Variants in MAPT observed in about 807,000 individuals in gnomAD.
MAPT encodes the protein microtubule associated protein tau.
A neutral mutation model predicts 67.9 loss-of-function variants in MAPT; 34 were observed. That is an observed-to-expected ratio of 0.50 (90% CI 0.38 to 0.67). The LOEUF (loss-of-function observed/expected upper bound fraction) is 0.67, where lower values mean the gene tolerates loss of function less well. MAPT is among the 30% of genes least tolerant of loss of function. MAPT has a pLI of 0.00. For synonymous variants in MAPT, 456 were observed against 464.5 expected, an observed-to-expected ratio of 0.98 and a Z score of 0.23; for missense variants, 881 against 1,115.2, an observed-to-expected ratio of 0.79 and a Z score of 2.99.
chr17:46,011,777 C>G (rs1386351067), intron 10 of MAPT, among the ~76,000 whole-genome samples: 1 of 152,180 alleles, frequency 6.6e-6, no homozygotes, highest in African/African-American at 2.4e-5. Context: ...CCTGAGGCAG[C>G]CACCCGCATC....
chr17:45,922,036 C>G (rs1332203197), intron 1 of MAPT, among the ~76,000 whole-genome samples: 3 of 151,034 alleles, frequency 2.0e-5, no homozygotes, highest in Non-Finnish European at 1.5e-5. Context: ...TTTTTTTTTC[C>G]TCCATCACCC....
At chr17:45,968,579 G>A (rs111930465) in intron 2 of MAPT, among the ~76,000 whole-genome samples, 3 of 152,190 alleles carry the variant, frequency 2.0e-5, no homozygotes, top group Non-Finnish European at 4.4e-5. Flanking sequence ...TGTGCTTGAC[G>A]GGGTATGTGA....
rs762595428 is a variant in MAPT, at chr17:45,962,362, G to A, written c.25G>A (p.Glu9Lys). The A allele has an allele frequency of 1.2e-5, 19 of 1,612,152 alleles. No individual in the cohort carries two copies. Among genetic ancestry groups the A allele is most frequent in the East Asian group, 2.2e-5 (1 of 44,854 alleles). MAEPRQEF[E>K]VMEDHAGTYG... ...GATGGCTGAGCCCCGCCAGGAGTTCGAAGTGATGGAAGATCACGCTGGGAC... is the reference window on the plus strand; with the variant it reads ...GATGGCTGAGCCCCGCCAGGAGTTCAAAGTGATGGAAGATCACGCTGGGAC... Residue 9 changes from glutamate to lysine, a missense_variant, in exon 2 of 13, where the codon GAA becomes AAA. This residue lies in a region of MAPT where 687 missense variants were observed against 766.1 expected (regional missense o/e 0.90). Coordinates refer to ENST00000262410, the MANE Select transcript of MAPT (RefSeq NM_001377265.1).
intron 1 of MAPT, among the ~76,000 whole-genome samples, chr17:45,910,994 A>G (rs1481305044): frequency 1.3e-5 from 2 of 152,258 alleles, no homozygotes; most frequent in Non-Finnish European, 2.9e-5. Flanking sequence ...ACATCCTGTA[A>G]TACAAGTTAT....
In MAPT at chr17:45,983,415, AG is replaced by A; in HGVS notation, c.841del (p.Ala281GlnfsTer84). ...GDLHQEGPPL[K>X]GAGGKERPGS... ...CTGCACCAGGAGGGGCCGCCGCTGA[AG>A]GGGGCAGGGGGCAAAGAGAGGCCGG... is the stretch of plus-strand genomic sequence containing the variant. On this transcript the variant is annotated frameshift_variant, in exon 5 of 13. Transcript: ENST00000262410. LOFTEE classifies it high-confidence loss of function. 1 of 1,606,324 alleles carries A rather than the reference AG, an allele frequency of 6.2e-7. No individual in the cohort carries two copies. The highest frequency in any genetic ancestry group is 8.5e-7 in the Non-Finnish European group (1 of 1,175,710).
At chr17:45,975,634 A>G (rs1313373331) in intron 3 of MAPT, 1 of 151,886 alleles carries the variant, frequency 6.6e-6, no homozygotes, top group African/African-American at 2.4e-5. Context: ...CAGAATGAAA[A>G]CTCTAGCCAA....
chr17:45,945,608 T>C (rs1300479162), intron 1 of MAPT, among the ~76,000 whole-genome samples: 1 of 151,914 alleles, frequency 6.6e-6, no homozygotes, highest in Non-Finnish European at 1.5e-5. Flanking sequence ...AGATCAGGAG[T>C]TCGAGACCAG....
intron 3 of MAPT, among the ~76,000 whole-genome samples, chr17:45,972,584 A>C (rs538382355): frequency 1.5e-4 from 23 of 152,342 alleles, no homozygotes; most frequent in Non-Finnish European, 2.9e-4. Context: ...TGGCATTTAC[A>C]TGAAGAGGTT....
intron 10 of MAPT, among the ~76,000 whole-genome samples, chr17:46,012,483 C>T (rs2075883793): frequency 6.6e-6 from 1 of 152,164 alleles, no homozygotes; most frequent in Non-Finnish European, 1.5e-5. Context: ...GGAAGCCCTT[C>T]TCCTGGTGAG....
chr17:45,974,535 T>C (rs2072112172), intron 3 of MAPT: 1 of 1,290,890 alleles, frequency 7.7e-7, no homozygotes, highest in African/African-American at 1.5e-5. Context: ...AGCTGACCTG[T>C]GACAGAAGTG....
At chr17:45,963,437 G>A (rs762812046) in intron 2 of MAPT, among the ~76,000 whole-genome samples, 8 of 152,078 alleles carry the variant, frequency 5.3e-5, no homozygotes, top group Non-Finnish European at 1.2e-4. Context: ...TTGTCTCAAG[G>A]TTGGTCGAGG....
rs1018896850 is a variant in MAPT, at chr17:45,983,059, G to A, written c.480G>A (p.Ala160=). ...CTCAGCACCGTCCCGTTTGCCCAGC[G>A]CCTCCTCCAACAGGAGGCCCTCAGG... ...SLPQHRPVCP[A]PPPTGGPQEP... The change falls in exon 5 of 13, where the codon GCG becomes GCA. Residue 160 remains alanine (A), a synonymous_variant. Transcript: ENST00000262410. The A allele has an allele frequency of 1.6e-5, 24 of 1,527,368 alleles. No homozygotes were observed. The African/African-American group carries it at 2.2e-4, about 14-fold the overall frequency. 94.6% of individuals were successfully genotyped at this position (1,527,368 alleles called of 1,614,324 possible).
In MAPT at chr17:45,941,701, G is replaced by GCCTGCCTTCCTTCCTGCCTTCCTTCCTT. The variant is rs1185645453; in HGVS notation, c.-17-20605_-17-20604insGCCTTCCTTCCTTCCTGCCTTCCTTCCT. On this transcript the variant is annotated intron_variant, in intron 1 of 12. Transcript: ENST00000262410. ...TTCCCTCCTTCCTTCCTTCCTTCCT[G>GCCTGCCTTCCTTCCTGCCTTCCTTCCTT]CCTGCCTTCCTTCCTTCCTTCCTTC... 5.4e-5 allele frequency among the ~76,000 whole-genome samples: 4 copies of GCCTGCCTTCCTTCCTGCCTTCCTTCCTT among 73,540 alleles called. 1 individual carries two copies. The highest frequency in any genetic ancestry group is 2.0e-4 in the African/African-American group (3 of 15,358). The allele number at this position is 73,540 out of a possible 152,430, so 48.2% of individuals were successfully genotyped here.
intron 1 of MAPT, among the ~76,000 whole-genome samples, chr17:45,899,921 T>C (rs541069457): frequency 6.6e-6 from 1 of 152,296 alleles, no homozygotes; most frequent in Admixed American, 6.5e-5. Context: ...GCTGGTTTGA[T>C]TGACCCAGGG....
rs570423863 is a variant in MAPT, at chr17:45,980,736, T to A, written c.287-2130T>A. On this transcript the variant is annotated intron_variant, in intron 4 of 12. Coordinates refer to ENST00000262410, the MANE Select transcript of MAPT (RefSeq NM_001377265.1). Reference sequence around the variant, plus strand: ...ACAGTAACATCCCAGTCAAGAGCACTCTAGTAAGCTCTAGGAGGAAAGCGA... The same window carrying A: ...ACAGTAACATCCCAGTCAAGAGCACACTAGTAAGCTCTAGGAGGAAAGCGA... Among the ~76,000 whole-genome samples, 12 of 152,262 alleles carry A rather than the reference T, an allele frequency of 7.9e-5. No homozygotes were observed. The East Asian group carries it at 1.5e-3, about 20-fold the overall frequency.
intron 1 of MAPT, among the ~76,000 whole-genome samples, chr17:45,950,883 G>A (rs1278165897): frequency 6.6e-6 from 1 of 152,060 alleles, no homozygotes; most frequent in African/African-American, 2.4e-5. Context: ...GGCTGGTCTC[G>A]AACTCCTGGC....
chr17:45,928,002 GA>G (rs35954789), intron 1 of MAPT, among the ~76,000 whole-genome samples: 14,624 of 55,160 alleles, frequency 0.27, 903 homozygotes, highest in South Asian at 0.28. Flanking sequence ...TCCGTCTCAG[GA>G]AAAAAAAAAA....
At position 45,995,174 on chromosome 17, in the gene MAPT, G is replaced by A. The variant is rs1268826601; in HGVS notation, c.1733-1225G>A. On this transcript the variant is annotated intron_variant, in intron 8 of 12. Coordinates refer to ENST00000262410, the MANE Select transcript of MAPT (RefSeq NM_001377265.1). The surrounding 1 kb of genome is among the most constrained non-coding windows in gnomAD (Gnocchi z 4.3). ...TGCCCTTCTCCAGGTCTGGCCAGCA[G>A]GTATGTGTTACAGCAAATGCCTGGG... 1.3e-5 allele frequency among the ~76,000 whole-genome samples: 2 copies of A among 152,220 alleles called. No homozygotes were observed. Among genetic ancestry groups the A allele is most frequent in the African/African-American group, 4.8e-5 (2 of 41,460 alleles).
chr17:45,930,709 A>G (rs2066773050), intron 1 of MAPT, among the ~76,000 whole-genome samples: 1 of 152,190 alleles, frequency 6.6e-6, no homozygotes, highest in African/African-American at 2.4e-5. Flanking sequence ...CCCTTCATCT[A>G]TCCATGACAC....
Sources: gnomAD v4.1 joint callset for allele counts (sites outside exome capture counted in the v4.1 genomes callset) on GRCh38, gnomAD v4.1.1 for gene constraint, gnomAD v4.1.1 regional missense constraint, Gnocchi (gnomAD v3.1) non-coding constraint, MANE v1.5 for transcripts, NCBI Gene and HGNC (gene_info 2026-07-23, HGNC 2026-07-21) for gene names.